Variants in FAM83D observed in about 807,000 individuals in gnomAD.
FAM83D encodes the protein scaffolding CK1 anchoring protein D, also known as protein FAM83D.
Under a neutral mutation model 25.4 loss-of-function variants are expected in FAM83D, and 26 were observed. The ratio of observed to expected loss-of-function variants is 1.02; its 90% CI spans 0.75 to 1.42. The LOEUF (loss-of-function observed/expected upper bound fraction) is 1.42. FAM83D is among the 40% of genes most tolerant of loss of function. The pLI, the probability that FAM83D is intolerant of heterozygous loss-of-function variation, is 0.00. For missense variants in FAM83D, 740 were observed against 758.1 expected, an observed-to-expected ratio of 0.98 and a Z score of 0.28; for synonymous variants, 310 against 318.5, an observed-to-expected ratio of 0.97 and a Z score of 0.28.
At chr20:38,936,402 C>A (rs113995969) in intron 1 of FAM83D, among the ~76,000 whole-genome samples, 1 of 151,728 alleles carries the variant, frequency 6.6e-6, no homozygotes, top group Non-Finnish European at 1.5e-5. Context: ...GGGATAGTGA[C>A]GGAATCGGGA....
chr20:38,941,459 T>C (rs2085701677), intron 1 of FAM83D, among the ~76,000 whole-genome samples: 1 of 152,134 alleles, frequency 6.6e-6, no homozygotes, highest in South Asian at 2.1e-4. Context: ...AAAAAATAGA[T>C]TTCGAGAATG....
intron 1 of FAM83D, among the ~76,000 whole-genome samples, chr20:38,937,594 G>A (rs945266446): frequency 8.5e-5 from 13 of 152,178 alleles, no homozygotes; most frequent in Admixed American, 3.9e-4. Context: ...AGGAATGGGG[G>A]ATGGGGATGG....
intron 2 of FAM83D, among the ~76,000 whole-genome samples, chr20:38,946,197 C>CA (rs56740383): frequency 0.1 from 7,826 of 77,840 alleles, 763 homozygotes; most frequent in Non-Finnish European, 0.16. Context: ...GACTCCACCT[C>CA]AAAAAAAAAA....
intron 3 of FAM83D, among the ~76,000 whole-genome samples, chr20:38,950,470 G>A (rs1172825124): frequency 6.6e-6 from 1 of 152,206 alleles, no homozygotes; most frequent in Non-Finnish European, 1.5e-5. Flanking sequence ...CCACTAATCA[G>A]CTCTAAAATG....
In FAM83D at chr20:38,952,015, C is replaced by G. The variant is rs566985764; in HGVS notation, c.1253C>G (p.Ala418Gly). 1.9e-6 allele frequency: 3 copies of G among 1,614,220 alleles called. No homozygotes were observed. The African/African-American group carries it at 4.0e-5, about 22-fold the overall frequency. Residue 418 changes from alanine (A) to glycine (G), a missense_variant, in exon 4 of 4, where the codon GCT (alanine) becomes GGT (glycine). Physicochemically the swap from Ala to Gly is moderately conservative, Grantham distance 60. Coordinates refer to ENST00000619850, the MANE Select transcript of FAM83D (RefSeq NM_030919.3). Reference sequence around the variant, plus strand: ...CAAACCAGCATCACCACAGCATGTGCTGGTACCCAGACTGCAGTCATCACC... The same window carrying G: ...CAAACCAGCATCACCACAGCATGTGGTGGTACCCAGACTGCAGTCATCACC... Reference protein sequence around the residue: ...GTQTSITTACAGTQTAVITRI... With the variant: ...GTQTSITTACGGTQTAVITRI...
intron 2 of FAM83D, among the ~76,000 whole-genome samples, chr20:38,944,571 C>T (rs2085718194): frequency 6.6e-6 from 1 of 152,230 alleles, no homozygotes; most frequent in African/African-American, 2.4e-5. Flanking sequence ...AATCTATGAG[C>T]AGGCACCGGT....
Position 38,952,411 on chromosome 20 carries a change from C to G in FAM83D, c.1649C>G (p.Ser550Ter), listed in dbSNP as rs1201137642. The change falls in exon 4 of 4, where the codon TCA becomes TGA. Residue 550 changes from serine (S) to a stop codon, truncating the protein, a stop_gained. Coordinates refer to ENST00000619850, the MANE Select transcript of FAM83D (RefSeq NM_030919.3). LOFTEE classifies it low-confidence loss of function (END_TRUNC). Reference sequence around the variant, plus strand: ...CTCAACCACATGCTGGCTATGCTGTCAAGGAGAACACTCTTTACTGAAAAC... The same window carrying G: ...CTCAACCACATGCTGGCTATGCTGTGAAGGAGAACACTCTTTACTGAAAAC... The part of the protein sequence containing the change: ...SRLNHMLAML[S>*]RRTLFTENHL... 4 of 1,614,220 alleles carry G rather than the reference C, an allele frequency of 2.5e-6. No individual in the cohort carries two copies. The highest frequency in any genetic ancestry group is 3.4e-6 in the Non-Finnish European group (4 of 1,180,036).
intron 2 of FAM83D, among the ~76,000 whole-genome samples, chr20:38,944,904 A>T (rs2085720317): frequency 6.7e-6 from 1 of 149,116 alleles, no homozygotes; most frequent in African/African-American, 2.5e-5. Context: ...GCGCCACTGC[A>T]CTCCAGCCTG....
At position 38,952,775 on chromosome 20, in the gene FAM83D, A is replaced by G. The variant is rs1436559618; in HGVS notation, c.*255A>G. 3 of 499,528 alleles carry G rather than the reference A, an allele frequency of 6.0e-6. No individual in the cohort carries two copies. Among genetic ancestry groups the G allele is most frequent in the Non-Finnish European group, 1.1e-5 (3 of 282,804 alleles). The allele number at this position is 499,528 out of a possible 1,614,324, so 30.9% of individuals were successfully genotyped here. On this transcript the variant is annotated 3_prime_UTR_variant, in exon 4 of 4. Coordinates refer to ENST00000619850, the MANE Select transcript of FAM83D (RefSeq NM_030919.3). ...TGCACAATTTTAATAGTCATGCACT[A>G]CATAATGATGTTTTGGTCAATGACA...
At chr20:38,937,035 G>A (rs986821360) in intron 1 of FAM83D, among the ~76,000 whole-genome samples, 3 of 152,214 alleles carry the variant, frequency 2.0e-5, no homozygotes, top group Admixed American at 2.0e-4. Context: ...GGACACACAT[G>A]CAGCTGCTCC....
At chr20:38,938,777 C>T (rs549099357) in intron 1 of FAM83D, among the ~76,000 whole-genome samples, 3 of 152,064 alleles carry the variant, frequency 2.0e-5, no homozygotes, top group East Asian at 3.9e-4. Flanking sequence ...TTGCTTCTGC[C>T]GTGCTACTGA....
At chr20:38,941,491 A>C (rs1568697817) in intron 1 of FAM83D, among the ~76,000 whole-genome samples, 1 of 152,238 alleles carries the variant, frequency 6.6e-6, no homozygotes, top group Non-Finnish European at 1.5e-5. Context: ...AAGGGCCCTC[A>C]GAGAGAATCT....
intron 1 of FAM83D, among the ~76,000 whole-genome samples, chr20:38,932,427 A>G (rs1320211689): frequency 6.6e-6 from 1 of 152,200 alleles, no homozygotes; most frequent in Non-Finnish European, 1.5e-5. Context: ...GCATGGCTTG[A>G]ATACAAGCTG....
Position 38,926,760 on chromosome 20 carries a change from G to A in FAM83D, c.318G>A (p.Ser106=), listed in dbSNP as rs1273308189. ...CGGGCACCTACTTCCCCGAGCAGTCGGACCTGGAGCCACCGCTGTTGGAGC... is the reference window on the plus strand; with the variant it reads ...CGGGCACCTACTTCCCCGAGCAGTCAGACCTGGAGCCACCGCTGTTGGAGC... The part of the protein sequence containing the change: ...CSSGTYFPEQ[S]DLEPPLLELG... Residue 106 remains serine (S), a synonymous_variant, in exon 1 of 4, where the codon TCG becomes TCA. Coordinates refer to ENST00000619850, the MANE Select transcript of FAM83D (RefSeq NM_030919.3). 5.8e-6 allele frequency: 9 copies of A among 1,542,116 alleles called. No homozygotes were observed. The highest frequency in any genetic ancestry group is 7.8e-6 in the Non-Finnish European group (9 of 1,150,546).
chr20:38,927,844 C>T (rs1487098521), intron 1 of FAM83D, among the ~76,000 whole-genome samples: 1 of 152,088 alleles, frequency 6.6e-6, no homozygotes, highest in African/African-American at 2.4e-5. Flanking sequence ...GAAACTGGGG[C>T]AAGGGGTTTG....
intron 3 of FAM83D, among the ~76,000 whole-genome samples, chr20:38,951,168 G>A (rs1413732958): frequency 6.6e-6 from 1 of 152,178 alleles, no homozygotes; most frequent in Non-Finnish European, 1.5e-5. Context: ...CAGGTGAGGT[G>A]GCTCACACCT....
chr20:38,947,389 T>C (rs867235093), intron 2 of FAM83D, among the ~76,000 whole-genome samples: 8 of 152,174 alleles, frequency 5.3e-5, no homozygotes, highest in African/African-American at 1.9e-4. Flanking sequence ...CATTATGGTG[T>C]TGAGGGTGAG....
At chr20:38,945,362 G>T (rs1291288053) in intron 2 of FAM83D, among the ~76,000 whole-genome samples, 1 of 151,768 alleles carries the variant, frequency 6.6e-6, no homozygotes, top group Non-Finnish European at 1.5e-5. Context: ...ACCAAGTCCA[G>T]GTGTACCTCT....
In FAM83D at chr20:38,941,130, A is replaced by C. The variant is rs1487210561; in HGVS notation, c.484-829A>C. Among the ~76,000 whole-genome samples the C allele has an allele frequency of 2.6e-5, 4 of 152,192 alleles. No individual in the cohort carries two copies. The East Asian group carries it at 7.7e-4, about 29-fold the overall frequency. The stretch of plus-strand genomic sequence containing the variant: ...GGCCTGTTCTGAGCTTAAGGGCAGA[A>C]TCCTTAGGAAATATTTCCCTGTTCT... On this transcript the variant is annotated intron_variant, in intron 1 of 3. Coordinates refer to ENST00000619850, the MANE Select transcript of FAM83D (RefSeq NM_030919.3).
Sources: gnomAD v4.1 joint callset for allele counts (sites outside exome capture counted in the v4.1 genomes callset) on GRCh38, gnomAD v4.1.1 for gene constraint, MANE v1.5 for transcripts, NCBI Gene and HGNC (gene_info 2026-07-23, HGNC 2026-07-21) for gene names.